RSRC1: variants seen among roughly 807,000 people sequenced by gnomAD.
RSRC1 encodes arginine and serine rich coiled-coil 1.
Under a neutral mutation model 49.1 loss-of-function variants are expected in RSRC1, and 39 were observed. The ratio of observed to expected loss-of-function variants is 0.79; its 90% confidence interval spans 0.61 to 1.04. The LOEUF (loss-of-function observed/expected upper bound fraction) is 1.04. Ranked by LOEUF, RSRC1 falls within the 50% of genes least tolerant of loss-of-function variation. RSRC1 has a pLI of 0.00. For missense variants in RSRC1, 388 were observed against 402.4 expected (o/e 0.96, Z 0.31); for synonymous variants, 143 against 130.8 (o/e 1.09, Z -0.63).
At chr3:158,275,812 G>C in intron 4 of RSRC1, 1 of 485,654 alleles carries the variant, frequency 2.1e-6, no homozygotes, top group East Asian at 5.0e-5. Flanking sequence ...ACCTATATTA[G>C]TGATAACAGT....
chr3:158,183,617 G>A (rs1412490551), intron 3 of RSRC1, among the ~76,000 whole-genome samples: 1 of 152,062 alleles, frequency 6.6e-6, no homozygotes, highest in Non-Finnish European at 1.5e-5. Flanking sequence ...TTGAATATGA[G>A]CCTAAAGATT....
intron 6 of RSRC1, among the ~76,000 whole-genome samples, chr3:158,397,573 G>A (rs1470967731): frequency 2.0e-5 from 3 of 152,084 alleles, no homozygotes; most frequent in Non-Finnish European, 4.4e-5. Context: ...CAAAAGATGT[G>A]TAGAAAAATA....
intron 6 of RSRC1, among the ~76,000 whole-genome samples, chr3:158,426,644 A>C (rs1735461480): frequency 6.6e-6 from 1 of 151,784 alleles, no homozygotes. Flanking sequence ...TATGTTTGAA[A>C]TATCCTTTTT....
At chr3:158,296,669 T>C (rs1359104447) in intron 4 of RSRC1, among the ~76,000 whole-genome samples, 1 of 152,124 alleles carries the variant, frequency 6.6e-6, no homozygotes, top group African/African-American at 2.4e-5. Context: ...CTCTCACACC[T>C]TGCAGTAATT....
At chr3:158,392,009 T>C (rs1014946691) in intron 6 of RSRC1, among the ~76,000 whole-genome samples, 3 of 152,106 alleles carry the variant, frequency 2.0e-5, no homozygotes, top group African/African-American at 7.2e-5. Flanking sequence ...TAAGGACCCT[T>C]GATTATAATA....
chr3:158,501,596 T>C (rs1380162416), intron 7 of RSRC1, among the ~76,000 whole-genome samples: 1 of 152,202 alleles, frequency 6.6e-6, no homozygotes, highest in East Asian at 1.9e-4. Context: ...TTTGTCGTTA[T>C]ATAATGTCCC....
chr3:158,428,294 T>A (rs1446964211), intron 6 of RSRC1, among the ~76,000 whole-genome samples: 1 of 151,904 alleles, frequency 6.6e-6, no homozygotes, highest in Non-Finnish European at 1.5e-5. Flanking sequence ...ATCAGTTTGT[T>A]CAATACGGTA....
chr3:158,135,712 C>A (rs1385761096), intron 3 of RSRC1, among the ~76,000 whole-genome samples: 1 of 151,832 alleles, frequency 6.6e-6, no homozygotes, highest in East Asian at 1.9e-4. Context: ...TAGAATAAAA[C>A]CCAAAATGTT....
At chr3:158,408,989 C>T (rs181470819) in intron 6 of RSRC1, among the ~76,000 whole-genome samples, 122 of 152,032 alleles carry the variant, frequency 8.0e-4, no homozygotes, top group Non-Finnish European at 1.3e-3. Flanking sequence ...GCCGAGATCA[C>T]GCTACTGCAC....
At chr3:158,489,235 A>G (rs1978780) in intron 7 of RSRC1, among the ~76,000 whole-genome samples, 13,212 of 152,278 alleles carry the variant, frequency 0.087, 635 homozygotes, top group South Asian at 0.15. Flanking sequence ...AAACTCTGCT[A>G]TGTGAATGGG....
At chr3:158,389,295 T>G (rs1733145194) in intron 6 of RSRC1, among the ~76,000 whole-genome samples, 1 of 152,202 alleles carries the variant, frequency 6.6e-6, no homozygotes, top group Admixed American at 6.5e-5. Flanking sequence ...CATTATTATT[T>G]CTTTGTAAAA....
intron 4 of RSRC1, among the ~76,000 whole-genome samples, chr3:158,219,992 A>C: frequency 6.6e-6 from 1 of 151,592 alleles, no homozygotes; most frequent in East Asian, 1.9e-4. Context: ...TAACTTATAC[A>C]CTAAAGTCTT....
chr3:158,358,065 A>AT (rs1487326349), intron 6 of RSRC1, among the ~76,000 whole-genome samples: 1 of 152,186 alleles, frequency 6.6e-6, no homozygotes, highest in Non-Finnish European at 1.5e-5. Context: ...TTTAGCCACG[A>AT]TTTTTAGTGG....
intron 6 of RSRC1, among the ~76,000 whole-genome samples, chr3:158,423,484 G>A (rs1578458130): frequency 1.3e-5 from 2 of 152,246 alleles, no homozygotes; most frequent in Admixed American, 1.3e-4. Flanking sequence ...CTGTAGCCTT[G>A]TAGTATAGTT....
chr3:158,483,419 G>A (rs1447634754), intron 7 of RSRC1, among the ~76,000 whole-genome samples: 1 of 151,928 alleles, frequency 6.6e-6, no homozygotes, highest in Admixed American at 6.6e-5. Flanking sequence ...CATTGAATAT[G>A]GTAAAAATAT....
rs192751244 is a variant in RSRC1 at position 158,516,728 on chromosome 3, C to A, written c.653-20364C>A. ...CGCCTTGCAGTTTGATCTCAGACTG[C>A]TGTGCTAGCAATCAGCGAGACTCCG... On this transcript the variant is annotated intron_variant, in intron 7 of 9. Transcript: ENST00000611884. Among the ~76,000 whole-genome samples the A allele has an allele frequency of 5.2e-3, 795 of 152,336 alleles. 2 individuals are homozygous for A. The highest frequency in any genetic ancestry group is 0.018 in the African/African-American group (746 of 41,592).
At chr3:158,237,889 T>G (rs1193450800) in intron 4 of RSRC1, among the ~76,000 whole-genome samples, 1 of 152,176 alleles carries the variant, frequency 6.6e-6, no homozygotes, top group Non-Finnish European at 1.5e-5. Flanking sequence ...GTGCCAGTTT[T>G]CAAAGGCTTC....
chr3:158,149,125 C>G (rs1481412624), intron 3 of RSRC1, among the ~76,000 whole-genome samples: 5 of 152,184 alleles, frequency 3.3e-5, no homozygotes, highest in Non-Finnish European at 7.3e-5. Flanking sequence ...TTTCGGTTTA[C>G]TACTTTATAG....
intron 3 of RSRC1, among the ~76,000 whole-genome samples, chr3:158,153,930 A>T (rs146757567): frequency 6.6e-6 from 1 of 152,190 alleles, no homozygotes; most frequent in Non-Finnish European, 1.5e-5. Flanking sequence ...ACTGGGATAC[A>T]TGTATGCAAA....
Sources: allele counts gnomAD v4.1 joint callset (sites outside exome capture counted in the v4.1 genomes callset), GRCh38; gene constraint gnomAD v4.1.1; transcripts MANE v1.5; gene names NCBI Gene and HGNC (gene_info 2026-07-23, HGNC 2026-07-21).